The following CEP135 variants were observed in gnomAD, a reference collection of about 807,000 sequenced individuals.
CEP135 encodes centrosomal protein 135.
CEP135 carries 142 observed loss-of-function variants against 157.3 expected under a neutral mutation model. The observed-to-expected ratio is 0.90, with a 90% confidence interval of 0.79 to 1.04. The LOEUF is 1.04. Ranked by LOEUF, CEP135 falls within the 50% of genes least tolerant of loss-of-function variation. The pLI is 0.00. For missense variants in CEP135, 1,317 were observed against 1,309.2 expected (o/e 1.01, Z -0.09); for synonymous variants, 396 against 439.8 (o/e 0.90, Z 1.25).
At chr4:56,004,662 C>T (rs1393251645) in intron 17 of CEP135, among the ~76,000 whole-genome samples, 1 of 152,028 alleles carries the variant, frequency 6.6e-6, no homozygotes, top group Non-Finnish European at 1.5e-5. Context: ...TATATAGTGA[C>T]CTTTGTTGTC....
chr4:56,020,812 T>C, intron 24 of CEP135, 32 bp downstream of exon 24: 2 of 1,486,732 alleles, frequency 1.3e-6, no homozygotes, highest in South Asian at 1.2e-5. Flanking sequence ...TTTGACAATG[T>C]TTTTATGTGT....
intron 21 of CEP135, among the ~76,000 whole-genome samples, chr4:56,012,843 C>G (rs1269313558): frequency 2.6e-5 from 4 of 152,208 alleles, no homozygotes; most frequent in Non-Finnish European, 4.4e-5. Context: ...AATAATGCTG[C>G]TATGAACATG....
intron 1 of CEP135, among the ~76,000 whole-genome samples, chr4:55,949,625 C>T (rs1728293652): frequency 1.3e-5 from 2 of 152,226 alleles, no homozygotes; most frequent in Non-Finnish European, 2.9e-5. Flanking sequence ...TGCACACATA[C>T]ATACAGCATT....
chr4:55,969,428 T>TAAAAAA (rs5858359), intron 9 of CEP135, among the ~76,000 whole-genome samples: 1 of 129,144 alleles, frequency 7.7e-6, no homozygotes, highest in African/African-American at 2.9e-5. Flanking sequence ...ACTCCATCTT[T>TAAAAAA]AAAAAAAAAA....
At chr4:55,995,391 C>T (rs539808953) in intron 15 of CEP135, among the ~76,000 whole-genome samples, 13 of 152,200 alleles carry the variant, frequency 8.5e-5, no homozygotes, top group East Asian at 5.8e-4. Context: ...TAGTAATAAG[C>T]GAAACAGAGG....
chr4:55,985,338 T>G lies in CEP135; in HGVS notation c.1837T>G (p.Leu613Val), dbSNP rs1273469558. The change falls in exon 14 of 26, where the codon TTG becomes GTG. Residue 613 changes from leucine (L) to valine (V), a missense_variant. Leu to Val is a conservative substitution (Grantham distance 32). Coordinates refer to ENST00000257287, the MANE Select transcript of CEP135 (RefSeq NM_025009.5). The part of the protein sequence containing the change: ...KSELEKTIEH[L>V]TCVNHQLESE... ...AGAATTAGAGAAAACTATTGAACATTTGACATGTGTTAATCATCAGGTAAT... is the reference window on the plus strand; with the variant it reads ...AGAATTAGAGAAAACTATTGAACATGTGACATGTGTTAATCATCAGGTAAT... The G allele has an allele frequency of 3.1e-6, 5 of 1,590,240 alleles. No homozygotes were observed. Among genetic ancestry groups the G allele is most frequent in the Non-Finnish European group, 4.3e-6 (5 of 1,160,308 alleles).
chr4:55,999,176 C>A, intron 15 of CEP135, 126 bp from the exon 16 acceptor site: 1 of 692,326 alleles, frequency 1.4e-6, no homozygotes. Context: ...ACTGGAGGAG[C>A]TTTAAAATAA....
chr4:56,012,079 A>G (rs915827372), intron 21 of CEP135, 94 bp downstream of exon 21: 3 of 844,710 alleles, frequency 3.6e-6, no homozygotes, highest in South Asian at 6.9e-5. Context: ...TTTTTTTGAG[A>G]TGAAGTCTGA....
intron 18 of CEP135, among the ~76,000 whole-genome samples, chr4:56,009,199 T>G (rs1730477125): frequency 6.6e-6 from 1 of 152,248 alleles, no homozygotes; most frequent in African/African-American, 2.4e-5. Flanking sequence ...TCTCGCTCTG[T>G]TGCCCAGGCT....
At chr4:55,966,010 A>G (rs1442374574) in intron 8 of CEP135, 151 bp downstream of exon 8, 1 of 635,596 alleles carries the variant, frequency 1.6e-6, no homozygotes, top group Non-Finnish European at 2.7e-6. Context: ...GGGTTTTCTG[A>G]AGTGTTGTTT....
chr4:55,974,893 A>C lies in CEP135; in HGVS notation c.1397A>C (p.His466Pro). 1.2e-6 allele frequency: 2 copies of C among 1,613,754 alleles called. No homozygotes were observed. Among genetic ancestry groups the C allele is most frequent in the Non-Finnish European group, 1.7e-6 (2 of 1,179,810 alleles). ...YYKKELERLQ[H>P]IIQRRSCSTS... Reference sequence around the variant, plus strand: ...AAGAAAGAGCTAGAGAGACTCCAACATATAATACAGCGAAGATCTTGCTCT... The same window carrying C: ...AAGAAAGAGCTAGAGAGACTCCAACCTATAATACAGCGAAGATCTTGCTCT... Residue 466 changes from histidine to proline, a missense_variant, in exon 11 of 26, where the codon CAT (histidine) becomes CCT (proline). Physicochemically the swap from His to Pro is moderately conservative, Grantham distance 77. Coordinates refer to ENST00000257287, the MANE Select transcript of CEP135 (RefSeq NM_025009.5).
intron 18 of CEP135, among the ~76,000 whole-genome samples, chr4:56,009,416 C>T (rs1730487913): frequency 6.6e-6 from 1 of 152,220 alleles, no homozygotes; most frequent in South Asian, 2.1e-4. Flanking sequence ...CCCGCCTCGG[C>T]CTCCCAAAGT....
intron 14 of CEP135, among the ~76,000 whole-genome samples, chr4:55,988,597 T>G (rs916589342): frequency 4.0e-5 from 6 of 150,358 alleles, no homozygotes; most frequent in Non-Finnish European, 7.4e-5. Flanking sequence ...GAGGTAGAGG[T>G]TGCAGTGAAC....
At chr4:56,014,601 A>G (rs1274028242) in intron 21 of CEP135, among the ~76,000 whole-genome samples, 28 of 152,168 alleles carry the variant, frequency 1.8e-4, no homozygotes, top group Non-Finnish European at 1.5e-5. Flanking sequence ...TTTGTAAGGG[A>G]TGAACTCGGA....
intron 17 of CEP135, among the ~76,000 whole-genome samples, chr4:56,005,275 A>C (rs533972725): frequency 1.2e-4 from 19 of 152,256 alleles, no homozygotes; most frequent in African/African-American, 4.6e-4. Context: ...ACAAAAATAA[A>C]AAAATTAGCT....
rs778318195 is a variant in CEP135 at position 55,952,127 on chromosome 4, C to A, written c.-4C>A. On this transcript the variant is annotated 5_prime_UTR_variant, in exon 2 of 26. Coordinates refer to ENST00000257287, the MANE Select transcript of CEP135 (RefSeq NM_025009.5). The stretch of plus-strand genomic sequence containing the variant: ...AGTGAATAAAACTTGTTTTAGAAGA[C>A]GAGATGACTACAGCTGTAGAGAGAA... The A allele has an allele frequency of 7.2e-6, 11 of 1,528,250 alleles. No homozygotes were observed. The South Asian group carries it at 1.2e-4, about 16-fold the overall frequency. 94.7% of individuals were successfully genotyped at this position (1,528,250 alleles called of 1,614,324 possible).
intron 17 of CEP135, among the ~76,000 whole-genome samples, chr4:56,007,840 C>G (rs2109727120): frequency 6.6e-6 from 1 of 152,254 alleles, no homozygotes; most frequent in Non-Finnish European, 1.5e-5. Flanking sequence ...CTGACTCGTC[C>G]TCATATTTGA....
intron 6 of CEP135, among the ~76,000 whole-genome samples, chr4:55,962,092 T>A (rs113557798): frequency 1.3e-5 from 2 of 149,722 alleles, no homozygotes; most frequent in Non-Finnish European, 3.0e-5. Flanking sequence ...TAACATCCTT[T>A]TTAAAAAACT....
chr4:56,000,766 C>T (rs1426517902), intron 17 of CEP135, among the ~76,000 whole-genome samples: 2 of 152,126 alleles, frequency 1.3e-5, no homozygotes, highest in Admixed American at 6.5e-5. Flanking sequence ...GATATTTACT[C>T]AATAGTGGAA....
Sources: gnomAD v4.1 joint callset for allele counts (sites outside exome capture counted in the v4.1 genomes callset) on GRCh38, gnomAD v4.1.1 for gene constraint, MANE v1.5 for transcripts, NCBI Gene and HGNC (gene_info 2026-07-23, HGNC 2026-07-21) for gene names.